THSD7B: variants seen among roughly 807,000 people sequenced by gnomAD.
THSD7B encodes the protein thrombospondin type-1 domain-containing protein 7B.
In THSD7B, 138 loss-of-function variants were observed where a neutral mutation model predicts 213.6. The observed-to-expected ratio is 0.65, with a 90% CI of 0.56 to 0.74. The LOEUF is 0.74. THSD7B is among the 30% of genes least tolerant of loss of function. The pLI is 0.00. For synonymous variants in THSD7B, 742 were observed against 687.0 expected, an observed-to-expected ratio of 1.08 and a Z score of -1.25; for missense variants, 1,931 against 1,991.5, an observed-to-expected ratio of 0.97 and a Z score of 0.58.
intron 20 of THSD7B, among the ~76,000 whole-genome samples, chr2:137,628,494 A>G (rs1180313398): frequency 6.6e-6 from 1 of 152,208 alleles, no homozygotes; most frequent in Non-Finnish European, 1.5e-5. Context: ...GACAACAGAG[A>G]GTAAACTAAC....
At chr2:136,784,811 A>T (rs1681810576) in intron 1 of THSD7B, among the ~76,000 whole-genome samples, 1 of 152,156 alleles carries the variant, frequency 6.6e-6, no homozygotes, top group African/African-American at 2.4e-5. Context: ...TGGCTCTCTA[A>T]ACAGGTATAA....
At chr2:137,008,674 A>G (rs1292193897) in intron 2 of THSD7B, among the ~76,000 whole-genome samples, 2 of 152,176 alleles carry the variant, frequency 1.3e-5, no homozygotes, top group East Asian at 1.9e-4. Context: ...AGCTTATCTT[A>G]TAGATACTCT....
At chr2:137,265,507 A>G (rs971366414) in intron 10 of THSD7B, among the ~76,000 whole-genome samples, 10 of 152,320 alleles carry the variant, frequency 6.6e-5, no homozygotes, top group African/African-American at 9.6e-5. Flanking sequence ...ATAAAGACAC[A>G]TGCACACGTA....
chr2:136,940,303 G>A (rs1463717445), intron 2 of THSD7B, among the ~76,000 whole-genome samples: 1 of 151,888 alleles, frequency 6.6e-6, no homozygotes, highest in Non-Finnish European at 1.5e-5. Flanking sequence ...TAAGATAATG[G>A]CCTCTACTTC....
At chr2:137,413,913 GGGT>G (rs1558789520) in intron 14 of THSD7B, among the ~76,000 whole-genome samples, 1 of 152,120 alleles carries the variant, frequency 6.6e-6, no homozygotes, top group East Asian at 1.9e-4. Context: ...GGTTAGACTA[GGGT>G]GGTGGCAATA....
intron 1 of THSD7B, among the ~76,000 whole-genome samples, chr2:136,861,909 T>C (rs2104973105): frequency 6.6e-6 from 1 of 152,296 alleles, no homozygotes; most frequent in South Asian, 2.1e-4. Context: ...ATGGCTTGAC[T>C]GAGTCTGGAG....
intron 4 of THSD7B, among the ~76,000 whole-genome samples, chr2:137,105,802 C>A (rs1688236560): frequency 6.6e-6 from 1 of 152,058 alleles, no homozygotes; most frequent in Admixed American, 6.6e-5. Flanking sequence ...ACAGTTGCTA[C>A]AAAGAGAGTA....
At chr2:137,330,705 C>T (rs1380045726) in intron 12 of THSD7B, among the ~76,000 whole-genome samples, 1 of 152,028 alleles carries the variant, frequency 6.6e-6, no homozygotes, top group African/African-American at 2.4e-5. Flanking sequence ...TGTTACGGCT[C>T]ATAAAAGCAG....
chr2:137,123,284 G>C (rs7599652), intron 5 of THSD7B, among the ~76,000 whole-genome samples: 1 of 152,086 alleles, frequency 6.6e-6, no homozygotes, highest in African/African-American at 2.4e-5. Context: ...TGGAAGTGTA[G>C]GGGTCTTAGC....
intron 15 of THSD7B, among the ~76,000 whole-genome samples, chr2:137,457,284 G>A (rs1687781953): frequency 6.6e-6 from 1 of 152,072 alleles, no homozygotes. Flanking sequence ...TTTTCATACT[G>A]GTTATTGCTA....
chr2:137,010,658 G>A (rs1686214895), intron 2 of THSD7B, among the ~76,000 whole-genome samples: 1 of 152,124 alleles, frequency 6.6e-6, no homozygotes, highest in South Asian at 2.1e-4. Flanking sequence ...GTTTTCTAGT[G>A]TACACTATAC....
intron 1 of THSD7B, among the ~76,000 whole-genome samples, chr2:136,824,054 C>T (rs1260336187): frequency 6.6e-6 from 1 of 152,094 alleles, no homozygotes; most frequent in East Asian, 1.9e-4. Flanking sequence ...ATGTACTAAA[C>T]TCAATATTCA....
chr2:137,556,060 G>C (rs757131646), intron 15 of THSD7B, among the ~76,000 whole-genome samples: 2 of 152,178 alleles, frequency 1.3e-5, no homozygotes, highest in Non-Finnish European at 2.9e-5. Context: ...CCAAATCTAC[G>C]TCTAATTGGT....
chr2:137,361,645 C>T (rs1685263169), intron 12 of THSD7B, among the ~76,000 whole-genome samples: 1 of 151,978 alleles, frequency 6.6e-6, no homozygotes, highest in Non-Finnish European at 1.5e-5. Flanking sequence ...GATTGAAGAT[C>T]AAATGAATGA....
chr2:137,478,373 A>ATT (rs1447308818), intron 15 of THSD7B, among the ~76,000 whole-genome samples: 1 of 151,880 alleles, frequency 6.6e-6, no homozygotes, highest in African/African-American at 2.4e-5. Context: ...TTTCAGATGT[A>ATT]TTTTTCATTT....
At chr2:137,592,981 A>G (rs752689173) in intron 17 of THSD7B, among the ~76,000 whole-genome samples, 2 of 151,916 alleles carry the variant, frequency 1.3e-5, no homozygotes, top group Non-Finnish European at 2.9e-5. Context: ...TTAGCTCAAC[A>G]TTATGTCTTG....
chr2:137,179,227 A>T (rs770855797), intron 7 of THSD7B, among the ~76,000 whole-genome samples: 5 of 152,140 alleles, frequency 3.3e-5, no homozygotes, highest in Non-Finnish European at 5.9e-5. Flanking sequence ...CCCCCCAGAC[A>T]TGTCCTAAGT....
chr2:137,095,282 GC>G (rs1156268590), intron 4 of THSD7B, among the ~76,000 whole-genome samples, 161 bp downstream of exon 4: 17 of 152,160 alleles, frequency 1.1e-4, no homozygotes, highest in Admixed American at 9.8e-4. Context: ...AAGATCATGG[GC>G]TTTGGTGTTG....
intron 12 of THSD7B, among the ~76,000 whole-genome samples, chr2:137,400,615 G>A (rs1233104657): frequency 6.6e-6 from 1 of 152,134 alleles, no homozygotes; most frequent in Non-Finnish European, 1.5e-5. Context: ...GGATGGCAGT[G>A]GTCATGAGAA....
Sources: allele counts gnomAD v4.1 joint callset (sites outside exome capture counted in the v4.1 genomes callset), GRCh38; gene constraint gnomAD v4.1.1; transcripts MANE v1.5; gene names NCBI Gene and HGNC (gene_info 2026-07-23, HGNC 2026-07-21).